Variants in CYGB observed in about 807,000 individuals in gnomAD.
CYGB encodes histoglobin.
Under a neutral mutation model 20.7 loss-of-function variants are expected in CYGB, and 13 were observed. That is an observed-to-expected ratio of 0.63 (90% CI 0.41 to 1.00). The LOEUF is 1.00. CYGB is among the 50% of genes least tolerant of loss of function. The probability of loss-of-function intolerance (pLI) is 0.00; values close to 1 mark genes in which losing one functional copy is unlikely to be tolerated. For missense variants in CYGB, 218 were observed against 257.2 expected (o/e 0.85, Z 1.04); for synonymous variants, 93 against 107.4 (o/e 0.87, Z 0.83).
upstream of CYGB, chr17:76,540,011 C>A: frequency 1.0e-6 from 1 of 954,102 alleles, no homozygotes; most frequent in South Asian, 1.5e-5. The surrounding 1 kb of genome is among the most constrained non-coding windows in gnomAD (Gnocchi z 5.0). Context: ...CAGCTTGAGC[C>A]TCCTAATCCA....
intron 1 of CYGB, among the ~76,000 whole-genome samples, chr17:76,549,463 G>T (rs2075086643): frequency 6.6e-6 from 1 of 152,244 alleles, no homozygotes; most frequent in African/African-American, 2.4e-5. Flanking sequence ...AGTGGTTACA[G>T]CTGAAGGCCG....
chr17:76,530,912 G>T lies in CYGB; in HGVS notation c.539+67C>A. ...AGCCCCAGGGCCTCAGGAGATATGG[G>T]AGACCTCGGGGACAGCAGAGGACAT... On this transcript the variant is annotated intron_variant, in intron 3 of 3. Transcript: ENST00000293230. The surrounding 1 kb of genome is among the most constrained non-coding windows in gnomAD (Gnocchi z 6.1). 1 of 1,483,088 alleles carries T rather than the reference G, an allele frequency of 6.7e-7. No homozygotes were observed. The highest frequency in any genetic ancestry group is 1.3e-5 in the South Asian group (1 of 75,630). 91.9% of individuals were successfully genotyped at this position (1,483,088 alleles called of 1,614,324 possible).
Position 76,531,856 on chromosome 17 carries a change from C to T in CYGB, c.144-165G>A. ...TAGACCTCAGCATAGACCCTCCTCC[C>T]TCTGGCCAAGCCGGCTCACCCCTAC... On this transcript the variant is annotated intron_variant, in intron 1 of 3. Transcript: ENST00000293230. The surrounding 1 kb of genome is among the most constrained non-coding windows in gnomAD (Gnocchi z 7.4). 1 of 608,802 alleles carries T rather than the reference C, an allele frequency of 1.6e-6. No individual in the cohort carries two copies. The allele number at this position is 608,802 out of a possible 1,614,324, so 37.7% of individuals were successfully genotyped here. A position where few individuals can be genotyped will look rare whatever the true frequency, so the allele number is the denominator to read the frequency against.
chr17:76,542,535 G>T (rs1420247742), upstream of CYGB: 4 of 1,614,206 alleles, frequency 2.5e-6, no homozygotes, highest in East Asian at 8.9e-5. Context: ...CCTGACCCCA[G>T]TGCTTTCCTC....
chr17:76,528,703 T>C lies in CYGB; in HGVS notation c.540-92A>G. On this transcript the variant is annotated intron_variant, in intron 3 of 3. Coordinates refer to ENST00000293230, the MANE Select transcript of CYGB (RefSeq NM_134268.5). This position sits in a 1 kb window ranked among gnomAD's most constrained non-coding sequence, Gnocchi z 5.8. The stretch of plus-strand genomic sequence containing the variant: ...GGGGAGGACCTGGGGCTGGCGAGGC[T>C]CACTTCCTGCCAAGAGATCCGGCAC... 1 of 1,172,146 alleles carries C rather than the reference T, an allele frequency of 8.5e-7. No individual in the cohort carries two copies. The highest frequency in any genetic ancestry group is 3.2e-5 in the East Asian group (1 of 31,264). The allele number at this position is 1,172,146 out of a possible 1,614,324, so 72.6% of individuals were successfully genotyped here. A position where few individuals can be genotyped will look rare whatever the true frequency, so the allele number is the denominator to read the frequency against.
intron 1 of CYGB, chr17:76,545,747 G>GCTTA (rs1166725356): frequency 4.3e-5 from 10 of 235,054 alleles, no homozygotes; most frequent in Non-Finnish European, 7.7e-5. Flanking sequence ...TGTGGAAGAT[G>GCTTA]CTTAGCATGT....
chr17:76,543,652 A>C, intron 1 of CYGB: 1 of 420,744 alleles, frequency 2.4e-6, no homozygotes, highest in Non-Finnish European at 4.9e-6. Flanking sequence ...CCTGGAACCT[A>C]ACAGTTTGCA....
intron 1 of CYGB, among the ~76,000 whole-genome samples, chr17:76,547,666 T>C (rs76339169): frequency 0.072 from 10,273 of 142,914 alleles, 1,090 homozygotes; most frequent in African/African-American, 0.24. Context: ...CACACACATA[T>C]TCACACACAG....
At position 76,528,818 on chromosome 17, in the gene CYGB, A is replaced by G. The variant is rs1416719205; in HGVS notation, c.540-207T>C. On this transcript the variant is annotated intron_variant, in intron 3 of 3. Transcript: ENST00000293230. This position sits in a 1 kb window ranked among gnomAD's most constrained non-coding sequence, Gnocchi z 5.8. ...TGATCTCAGGCAAGTCTACTGGCCC[A>G]TGGGAGCTCCGGATCTTTTTCTCTA... The G allele has an allele frequency of 8.7e-7, 1 of 1,148,080 alleles. No homozygotes were observed. Among genetic ancestry groups the G allele is most frequent in the Non-Finnish European group, 1.1e-6 (1 of 909,610 alleles). 71.1% of individuals were successfully genotyped at this position (1,148,080 alleles called of 1,614,324 possible).
At position 76,528,329 on chromosome 17, in the gene CYGB, T is replaced by C; in HGVS notation, c.*249A>G. 5 of 402,776 alleles carry C rather than the reference T, an allele frequency of 1.2e-5. No homozygotes were observed. The highest frequency in any genetic ancestry group is 2.2e-5 in the Non-Finnish European group (5 of 228,940). The allele number at this position is 402,776 out of a possible 1,614,324, so 25.0% of individuals were successfully genotyped here. ...GCTCAGCTAGGTCTCTCTCTAACAGTGAGTAGAAAAGCTAAGAAGAGTGGG... is the reference window on the plus strand; with the variant it reads ...GCTCAGCTAGGTCTCTCTCTAACAGCGAGTAGAAAAGCTAAGAAGAGTGGG... On this transcript the variant is annotated 3_prime_UTR_variant, in exon 4 of 4. Coordinates refer to ENST00000293230, the MANE Select transcript of CYGB (RefSeq NM_134268.5). The surrounding 1 kb of genome is among the most constrained non-coding windows in gnomAD (Gnocchi z 5.8).
At chr17:76,529,231 G>A (rs887350612) in intron 3 of CYGB, 44 of 985,342 alleles carry the variant, frequency 4.5e-5, no homozygotes, top group Non-Finnish European at 5.2e-5. Flanking sequence ...GGGAGGCTCT[G>A]CAGGCTCAGG....
Position 76,531,661 on chromosome 17 carries a change from C to A in CYGB, c.174G>T (p.Gln58His), listed in dbSNP as rs1255310666. Residue 58 changes from glutamine to histidine, a missense_variant, in exon 2 of 4, where the codon CAG becomes CAT. By Grantham distance (24) the Gln-to-His change is conservative. Around this residue, in one of 2 missense-constraint regions of CYGB, gnomAD observed 152 missense variants for 149.9 expected, o/e 1.01. Coordinates refer to ENST00000293230, the MANE Select transcript of CYGB (RefSeq NM_134268.5). This position sits in a 1 kb window ranked among gnomAD's most constrained non-coding sequence, Gnocchi z 7.4. Reference sequence around the variant, plus strand: ...CCATGTGCTTGAACTGGCTGAAGTACTGCTTGGCCGAGGGGAAGTTCACAA... The same window carrying A: ...CCATGTGCTTGAACTGGCTGAAGTAATGCTTGGCCGAGGGGAAGTTCACAA... ...RFFVNFPSAK[Q>H]YFSQFKHMED... The A allele has an allele frequency of 6.2e-7, 1 of 1,601,446 alleles. No individual in the cohort carries two copies. Among genetic ancestry groups the A allele is most frequent in the East Asian group, 2.2e-5 (1 of 44,466 alleles).
chr17:76,540,600 G>A (rs1387955475), upstream of CYGB: 3 of 1,609,236 alleles, frequency 1.9e-6, no homozygotes, highest in East Asian at 2.2e-5. The surrounding 1 kb of genome is among the most constrained non-coding windows in gnomAD (Gnocchi z 5.0). Flanking sequence ...GGCTGGGGGA[G>A]GGAGGGTGCT....
At chr17:76,535,196 G>T (rs1163764643) in intron 1 of CYGB, among the ~76,000 whole-genome samples, 1 of 152,224 alleles carries the variant, frequency 6.6e-6, no homozygotes, top group African/African-American at 2.4e-5. Flanking sequence ...CCAGGTTGGG[G>T]GTGTGGAAGT....
Position 76,531,227 on chromosome 17 carries a change from C to T in CYGB, c.376-85G>A, listed in dbSNP as rs938497325. ...CAGGCCCCTCCGCCCCACGTGTGGC[C>T]GAGAGGATCATTCCTAACGCAACAG... On this transcript the variant is annotated intron_variant, in intron 2 of 3. Coordinates refer to ENST00000293230, the MANE Select transcript of CYGB (RefSeq NM_134268.5). This position sits in a 1 kb window ranked among gnomAD's most constrained non-coding sequence, Gnocchi z 7.4. The T allele has an allele frequency of 8.0e-5, 114 of 1,425,342 alleles. No homozygotes were observed. The Middle Eastern group carries it at 9.4e-4, about 12-fold the overall frequency. 88.3% of individuals were successfully genotyped at this position (1,425,342 alleles called of 1,614,324 possible).
chr17:76,529,041 T>TGGGGGGGGGGGGGGGGGGGGGGG, intron 3 of CYGB: 10 of 834,210 alleles, frequency 1.2e-5, no homozygotes, highest in East Asian at 4.1e-4. Flanking sequence ...CTGCAGTCAT[T>TGGGGGGGGGGGGGGGGGGGGGGG]GCGCCCCCCC....
intron 1 of CYGB, chr17:76,543,396 G>C: frequency 3.0e-6 from 1 of 336,422 alleles, no homozygotes. Flanking sequence ...GGAGTGAGGA[G>C]ACCCCAGAAG....
rs760384447 is a variant in CYGB at position 76,537,492 on chromosome 17, C to T, written c.51G>A (p.Glu17=). Residue 17 remains glutamate, a synonymous_variant, in exon 1 of 4, where the codon GAG becomes GAA. Coordinates refer to ENST00000293230, the MANE Select transcript of CYGB (RefSeq NM_134268.5). The stretch of plus-strand genomic sequence containing the variant: ...CCTTCCTCTCCGCCTCGGACAGCTC[C>T]TCGCTCCGCTCCCTGCGCTCGATCT... The part of the protein sequence containing the change: ...EMEIERRERS[E]ELSEAERKAV... 1.1e-5 allele frequency: 18 copies of T among 1,583,822 alleles called. No homozygotes were observed. The highest frequency in any genetic ancestry group is 1.7e-4 in the Middle Eastern group (1 of 6,000).
upstream of CYGB, chr17:76,538,487 G>A: frequency 2.1e-6 from 1 of 466,458 alleles, no homozygotes; most frequent in South Asian, 1.6e-5. Flanking sequence ...GTCCCCCGTG[G>A]CTTATGAATG....
Sources: allele counts gnomAD v4.1 joint callset (sites outside exome capture counted in the v4.1 genomes callset), GRCh38; gene constraint gnomAD v4.1.1; regional missense constraint gnomAD v4.1.1; non-coding constraint Gnocchi (gnomAD v3.1); transcripts MANE v1.5; gene names NCBI Gene and HGNC (gene_info 2026-07-23, HGNC 2026-07-21).